RBFOX3: variants seen among roughly 807,000 people sequenced by gnomAD.
RBFOX3 encodes RNA binding fox-1 homolog 3, also known as RNA binding protein fox-1 homolog 3.
Under a neutral mutation model 48.7 loss-of-function variants are expected in RBFOX3, and 17 were observed. The observed-to-expected ratio is 0.35, with a 90% CI of 0.24 to 0.52. The LOEUF is 0.52. Among genes scored for constraint, RBFOX3 ranks in the 20% least tolerant of loss-of-function variants. The pLI is 0.94. For missense variants in RBFOX3, 382 were observed against 497.5 expected (o/e 0.77, Z 2.21); for synonymous variants, 212 against 209.5 (o/e 1.01, Z -0.10).
chr17:79,470,174 G>A lies in RBFOX3; in HGVS notation c.-175+12280C>T, dbSNP rs2076885928. Among the ~76,000 whole-genome samples, 5 of 152,320 alleles carry A rather than the reference G, an allele frequency of 3.3e-5. No homozygotes were observed. The South Asian group carries it at 1.0e-3, about 32-fold the overall frequency. ...CCAAAAGGGCCCTGCGAATGTTGGA[G>A]AATGAATAGTTGTGTGCTTCAATAT... is the stretch of plus-strand genomic sequence containing the variant. On this transcript the variant is annotated intron_variant, in intron 2 of 14. Coordinates refer to ENST00000693108, the MANE Select transcript of RBFOX3 (RefSeq NM_001350451.2).
At chr17:79,385,926 T>C (rs193095221) in intron 2 of RBFOX3, among the ~76,000 whole-genome samples, 3 of 145,152 alleles carry the variant, frequency 2.1e-5, no homozygotes, top group African/African-American at 5.2e-5. Context: ...AGAGGCTCCA[T>C]CACCCTCCAT....
rs1027565022 is a variant in RBFOX3 at position 79,482,218 on chromosome 17, C to T, written c.-175+236G>A. Among the ~76,000 whole-genome samples, 11 of 151,328 alleles carry T rather than the reference C, an allele frequency of 7.3e-5. No homozygotes were observed. In the South Asian group the frequency reaches 1.9e-3, roughly 26 times the overall value. On this transcript the variant is annotated intron_variant, in intron 2 of 14. Transcript: ENST00000693108. This position sits in a 1 kb window ranked among gnomAD's most constrained non-coding sequence, Gnocchi z 4.1. ...GCCCCGCAGCCAGGCTGATGGGCTT[C>T]GAGGTACAAAGAGCGGTCACTCCTT...
At chr17:79,396,335 A>C (rs2061993126) in intron 2 of RBFOX3, among the ~76,000 whole-genome samples, 1 of 152,114 alleles carries the variant, frequency 6.6e-6, no homozygotes, top group Admixed American at 6.5e-5. Context: ...AGATGCTGCA[A>C]AGTGACCTCT....
chr17:79,465,374 C>T (rs782025566), intron 2 of RBFOX3, among the ~76,000 whole-genome samples: 5 of 152,214 alleles, frequency 3.3e-5, no homozygotes, highest in Admixed American at 6.5e-5. Flanking sequence ...AACAATCTCA[C>T]GCAATCCTGT....
intron 1 of RBFOX3, among the ~76,000 whole-genome samples, chr17:79,597,076 G>C (rs2093589427): frequency 6.6e-6 from 1 of 152,184 alleles, no homozygotes; most frequent in African/African-American, 2.4e-5. Flanking sequence ...ACGTAAGAAA[G>C]GACTTCACAA....
intron 1 of RBFOX3, among the ~76,000 whole-genome samples, chr17:79,586,506 C>T (rs1207127797): frequency 3.9e-5 from 6 of 152,310 alleles, no homozygotes; most frequent in African/African-American, 1.2e-4. Context: ...GTTTGTGATG[C>T]GGCAGTCGCT....
intron 4 of RBFOX3, chr17:79,136,190 T>A (rs2040149961): frequency 6.6e-6 from 1 of 152,144 alleles, no homozygotes; most frequent in South Asian, 2.1e-4. Context: ...TCTCCCTGGC[T>A]CAGCCCTGAC....
rs369700227 is a variant in RBFOX3 at position 79,418,073 on chromosome 17, G to A, written c.-175+64381C>T. 3.9e-5 allele frequency among the ~76,000 whole-genome samples: 6 copies of A among 152,214 alleles called. No individual in the cohort carries two copies. Among genetic ancestry groups the A allele is most frequent in the African/African-American group, 7.2e-5 (3 of 41,460 alleles). ...CAGGGGCTGGGGAGATAGGAAGGGG[G>A]CTTCGTGTTTCCTGGGGACAGAGCT... On this transcript the variant is annotated intron_variant, in intron 2 of 14. Coordinates refer to ENST00000693108, the MANE Select transcript of RBFOX3 (RefSeq NM_001350451.2). The surrounding 1 kb of genome is among the most constrained non-coding windows in gnomAD (Gnocchi z 5.0).
chr17:79,539,520 T>C (rs375515980), intron 1 of RBFOX3, among the ~76,000 whole-genome samples: 15 of 152,080 alleles, frequency 9.9e-5, no homozygotes, highest in African/African-American at 3.4e-4. Context: ...ACTGTTGGGG[T>C]TTTCTCCAGG....
At chr17:79,511,917 C>T (rs1204000251) in intron 1 of RBFOX3, among the ~76,000 whole-genome samples, 1 of 125,150 alleles carries the variant, frequency 8.0e-6, no homozygotes, top group Non-Finnish European at 1.7e-5. Context: ...CAGGGGACAC[C>T]CACCCGGATA....
chr17:79,164,210 A>C (rs2047540084), intron 4 of RBFOX3, among the ~76,000 whole-genome samples: 1 of 152,176 alleles, frequency 6.6e-6, no homozygotes, highest in Non-Finnish European at 1.5e-5. Flanking sequence ...CAGGTTCCCC[A>C]CCTGGCAGGG....
chr17:79,522,177 C>G lies in RBFOX3; in HGVS notation c.-319-39579G>C, dbSNP rs903915377. Among the ~76,000 whole-genome samples the G allele has an allele frequency of 4.2e-4, 64 of 152,350 alleles. No homozygotes were observed. The East Asian group carries it at 0.01, about 24-fold the overall frequency. Reference sequence around the variant, plus strand: ...GTGTGAGCTCCTGAGCAGCTCCCCACTCTCCAAGTCTCCACCTTTGAGGAG... The same window carrying G: ...GTGTGAGCTCCTGAGCAGCTCCCCAGTCTCCAAGTCTCCACCTTTGAGGAG... On this transcript the variant is annotated intron_variant, in intron 1 of 14. Coordinates refer to ENST00000693108, the MANE Select transcript of RBFOX3 (RefSeq NM_001350451.2).
rs184984171 is a variant in RBFOX3 at position 79,451,173 on chromosome 17, T to C, written c.-175+31281A>G. 7.9e-3 allele frequency among the ~76,000 whole-genome samples: 1,196 copies of C among 152,292 alleles called. 18 individuals are homozygous for C. Among genetic ancestry groups the C allele is most frequent in the Admixed American group, 0.024 (362 of 15,294 alleles). On this transcript the variant is annotated intron_variant, in intron 2 of 14. Transcript: ENST00000693108. ...GGCACAATTATCAGGGGACATATGA[T>C]GTTTAGGAGCATCATTTGGAAGAAG...
At chr17:79,297,785 G>A (rs2074639642) in intron 3 of RBFOX3, among the ~76,000 whole-genome samples, 1 of 152,292 alleles carries the variant, frequency 6.6e-6, no homozygotes, top group South Asian at 2.1e-4. Flanking sequence ...GAGCAGATGG[G>A]GTGACTGAGG....
In RBFOX3 at chr17:79,471,113, G is replaced by C. The variant is rs1424860848; in HGVS notation, c.-175+11341C>G. On this transcript the variant is annotated intron_variant, in intron 2 of 14. Coordinates refer to ENST00000693108, the MANE Select transcript of RBFOX3 (RefSeq NM_001350451.2). This position sits in a 1 kb window ranked among gnomAD's most constrained non-coding sequence, Gnocchi z 4.0. ...GACAGTCAAAATAAGCTTTCTGCTG[G>C]CCTCAGTGACAATGCTTGACATCCA... Among the ~76,000 whole-genome samples, 3 of 152,156 alleles carry C rather than the reference G, an allele frequency of 2.0e-5. No homozygotes were observed. Among genetic ancestry groups the C allele is most frequent in the Non-Finnish European group, 4.4e-5 (3 of 68,038 alleles).
chr17:79,192,535 T>C (rs371675094), intron 4 of RBFOX3, among the ~76,000 whole-genome samples: 1 of 152,358 alleles, frequency 6.6e-6, no homozygotes, highest in African/African-American at 2.4e-5. Context: ...TTGCTGCTGC[T>C]GCCTGATAAC....
intron 4 of RBFOX3, among the ~76,000 whole-genome samples, chr17:79,162,972 T>G (rs1011027723): frequency 6.6e-6 from 1 of 152,030 alleles, no homozygotes; most frequent in African/African-American, 2.4e-5. Flanking sequence ...GAGACCGAGG[T>G]CTGTGACATG....
intron 2 of RBFOX3, among the ~76,000 whole-genome samples, chr17:79,417,338 C>T (rs1366039497): frequency 6.6e-6 from 1 of 152,180 alleles, no homozygotes; most frequent in Non-Finnish European, 1.5e-5. Flanking sequence ...AAAGAAGGGG[C>T]CTGGCTCTGC....
At chr17:79,335,149 C>T (rs2080999749) in intron 2 of RBFOX3, among the ~76,000 whole-genome samples, 1 of 145,530 alleles carries the variant, frequency 6.9e-6, no homozygotes, top group South Asian at 2.2e-4. Context: ...GACGAGGCTG[C>T]CAGAGGATGG....
Sources: allele counts gnomAD v4.1 joint callset (sites outside exome capture counted in the v4.1 genomes callset), GRCh38; gene constraint gnomAD v4.1.1; non-coding constraint Gnocchi (gnomAD v3.1); transcripts MANE v1.5; gene names NCBI Gene and HGNC (gene_info 2026-07-23, HGNC 2026-07-21).